ITGB3: variants seen among roughly 807,000 people sequenced by gnomAD.
The protein encoded by ITGB3 is integrin subunit beta 3.
ITGB3 carries 48 observed loss-of-function variants against 85.8 expected under a neutral mutation model. The ratio of observed to expected loss-of-function variants is 0.56; its 90% CI spans 0.44 to 0.71. The LOEUF is 0.71. ITGB3 is among the 30% of genes least tolerant of loss of function. The pLI is 0.00. For missense variants in ITGB3, 861 were observed against 1,019.1 expected (o/e 0.84, Z 2.11); for synonymous variants, 363 against 395.6 (o/e 0.92, Z 0.98).
chr17:47,301,090 C>A (rs2143134343), intron 12 of ITGB3, among the ~76,000 whole-genome samples: 1 of 152,316 alleles, frequency 6.6e-6, no homozygotes. Flanking sequence ...TGAAGTCCTT[C>A]TGCCTCTCTG....
At chr17:47,308,058 C>T (rs1201968878) in intron 14 of ITGB3, among the ~76,000 whole-genome samples, 2 of 151,302 alleles carry the variant, frequency 1.3e-5, no homozygotes, top group African/African-American at 4.9e-5. Flanking sequence ...CCCAGCTATT[C>T]GGGAGGCTGA....
intron 9 of ITGB3, among the ~76,000 whole-genome samples, chr17:47,291,697 A>G (rs887067431): frequency 1.3e-5 from 2 of 152,240 alleles, no homozygotes; most frequent in Non-Finnish European, 2.9e-5. Flanking sequence ...TGCATAAGCT[A>G]TGAAATGTGT....
intron 13 of ITGB3, among the ~76,000 whole-genome samples, chr17:47,307,267 A>G (rs1199233572): frequency 2.0e-5 from 3 of 152,218 alleles, no homozygotes; most frequent in African/African-American, 7.2e-5. Context: ...TCTAGGGGTT[A>G]CCAGGTCTAG....
intron 13 of ITGB3, among the ~76,000 whole-genome samples, chr17:47,304,584 C>CTT (rs1036317921): frequency 2.6e-5 from 4 of 151,962 alleles, no homozygotes; most frequent in African/African-American, 7.3e-5. Context: ...TGGCTTCCTG[C>CTT]TTTTTTTGTT....
At chr17:47,278,310 A>G (rs1344984238) in intron 2 of ITGB3, among the ~76,000 whole-genome samples, 2 of 152,216 alleles carry the variant, frequency 1.3e-5, no homozygotes, top group African/African-American at 4.8e-5. Flanking sequence ...GTCACCTGCC[A>G]GGTGTGGTGG....
rs763475276 is a variant in ITGB3, at chr17:47,307,596, G to A, written c.2260G>A (p.Ala754Thr). 21 of 1,614,074 alleles carry A rather than the reference G, an allele frequency of 1.3e-5. No homozygotes were observed. The highest frequency in any genetic ancestry group is 5.5e-5 in the South Asian group (5 of 91,084). ...CACCATCCACGACCGAAAAGAATTC[G>A]CTAAATTTGAGGAAGAACGCGCCAG... ...LITIHDRKEF[A>T]KFEEERARAK... Residue 754 changes from alanine (A) to threonine (T), a missense_variant, in exon 14 of 15, where the codon GCT (alanine) becomes ACT (threonine). By Grantham distance (58) the Ala-to-Thr change is moderately conservative. Transcript: ENST00000559488.
chr17:47,279,474 T>TA (rs2065075583), intron 2 of ITGB3: 2 of 152,186 alleles, frequency 1.3e-5, no homozygotes. Context: ...GCAGGCCTGT[T>TA]ATATTCCTGA....
intron 10 of ITGB3, among the ~76,000 whole-genome samples, chr17:47,294,755 C>T (rs1481721944): frequency 6.6e-6 from 1 of 152,174 alleles, no homozygotes; most frequent in Non-Finnish European, 1.5e-5. Context: ...CATGCATGAT[C>T]CCTGACCTCT....
intron 1 of ITGB3, among the ~76,000 whole-genome samples, chr17:47,271,367 G>A (rs2065043612): frequency 6.6e-6 from 1 of 152,068 alleles, no homozygotes; most frequent in Non-Finnish European, 1.5e-5. Flanking sequence ...AAATATAAAG[G>A]GAATATGTGT....
At chr17:47,275,568 C>G (rs1340810013) in intron 2 of ITGB3, among the ~76,000 whole-genome samples, 2 of 152,222 alleles carry the variant, frequency 1.3e-5, no homozygotes, top group Admixed American at 1.3e-4. Flanking sequence ...AGTTTTATGA[C>G]CGCTCCAATC....
intron 1 of ITGB3, among the ~76,000 whole-genome samples, chr17:47,255,358 C>T (rs1178243966): frequency 6.6e-6 from 1 of 152,066 alleles, no homozygotes; most frequent in African/African-American, 2.4e-5. Flanking sequence ...TAGTGATTCC[C>T]GTCAAGACTC....
intron 2 of ITGB3, chr17:47,279,989 C>G (rs115825165): frequency 6.6e-5 from 10 of 152,356 alleles, no homozygotes; most frequent in Admixed American, 6.5e-4. Flanking sequence ...CAAGTTCTCC[C>G]CAGGTCATTC....
chr17:47,288,589 A>G (rs986748288), intron 6 of ITGB3, among the ~76,000 whole-genome samples: 3 of 152,098 alleles, frequency 2.0e-5, no homozygotes, highest in African/African-American at 7.2e-5. Context: ...TGAGGATCTA[A>G]TGAGCTCCCT....
chr17:47,296,197 T>C (rs2065145376), intron 10 of ITGB3, among the ~76,000 whole-genome samples: 2 of 152,292 alleles, frequency 1.3e-5, no homozygotes, highest in South Asian at 4.1e-4. Flanking sequence ...ATCTCTACTT[T>C]CCAGATATAC....
chr17:47,290,875 T>C, intron 8 of ITGB3, 79 bp from the exon 9 acceptor site: 2 of 1,563,800 alleles, frequency 1.3e-6, no homozygotes, highest in South Asian at 1.1e-5. Context: ...CAGATTTGGC[T>C]TGGGATGGAA....
chr17:47,278,140 A>G (rs2065070191), intron 2 of ITGB3, among the ~76,000 whole-genome samples: 1 of 152,114 alleles, frequency 6.6e-6, no homozygotes, highest in African/African-American at 2.4e-5. Flanking sequence ...TGCATGTTCA[A>G]GTGATTTCTT....
intron 2 of ITGB3, among the ~76,000 whole-genome samples, chr17:47,283,009 T>C (rs969223518): frequency 2.0e-5 from 3 of 152,098 alleles, no homozygotes; most frequent in Non-Finnish European, 2.9e-5. Context: ...CTGTACAGGC[T>C]CTCCTTCTAG....
chr17:47,310,509 G>T lies in ITGB3; in HGVS notation c.*305G>T, dbSNP rs2065209967. 8.6e-6 allele frequency: 4 copies of T among 465,446 alleles called. No homozygotes were observed. The East Asian group carries it at 1.3e-4, about 15-fold the overall frequency. The allele number at this position is 465,446 out of a possible 1,614,324, so 28.8% of individuals were successfully genotyped here. ...GGGATTCTTCCTGCTTAGCTTGAGG[G>T]TGACTATGGAGCTGAGCAGGTGTTC... On this transcript the variant is annotated 3_prime_UTR_variant, in exon 15 of 15. Transcript: ENST00000559488.
intron 1 of ITGB3, among the ~76,000 whole-genome samples, chr17:47,273,228 C>T (rs1382788129): frequency 6.6e-6 from 1 of 152,144 alleles, no homozygotes; most frequent in Non-Finnish European, 1.5e-5. Flanking sequence ...GGGAAAACAT[C>T]GCAATGGTCA....
Sources: allele counts gnomAD v4.1 joint callset (sites outside exome capture counted in the v4.1 genomes callset), GRCh38; gene constraint gnomAD v4.1.1; transcripts MANE v1.5; gene names NCBI Gene and HGNC (gene_info 2026-07-23, HGNC 2026-07-21).